The following DMD variants were observed in gnomAD, a reference collection of about 807,000 sequenced individuals.
The protein encoded by DMD is dystrophin.
Under a neutral mutation model 330.1 loss-of-function variants are expected in DMD, and 63 were observed. That is an observed-to-expected ratio of 0.19 (90% CI 0.16 to 0.24). The LOEUF (loss-of-function observed/expected upper bound fraction) is 0.24, where lower values mean the gene tolerates loss of function less well. Among genes scored for constraint, DMD ranks in the 10% least tolerant of loss-of-function variants. The pLI, the probability that DMD is intolerant of heterozygous loss-of-function variation, is 1.00. For missense variants in DMD, 3,344 were observed against 2,684.1 expected, an observed-to-expected ratio of 1.25 and a Z score of -5.43; for synonymous variants, 1,223 against 959.8, an observed-to-expected ratio of 1.27 and a Z score of -5.07.
chrX:31,206,719 T>C lies in DMD; in HGVS notation c.9564-52A>G, dbSNP rs1342918807. Reference sequence around the variant, plus strand: ...CAATTACTGACCCTTTCCTAGAGGGTAAACACTTCTAGTTAAGAATAAAGC... The same window carrying C: ...CAATTACTGACCCTTTCCTAGAGGGCAAACACTTCTAGTTAAGAATAAAGC... On this transcript the variant is annotated intron_variant, in intron 65 of 78. Coordinates refer to ENST00000357033, the MANE Select transcript of DMD (RefSeq NM_004006.3). 3.0e-6 allele frequency: 3 copies of C among 996,784 alleles called. No individual in the cohort carries two copies. In the Admixed American group the frequency reaches 6.9e-5, roughly 23 times the overall value. The allele number at this position is 996,784 out of a possible 1,213,427, so 82.1% of individuals were successfully genotyped here.
chrX:31,714,777 C>A, intron 52 of DMD, among the ~76,000 whole-genome samples: 1 of 111,776 alleles, frequency 8.9e-6, no homozygotes, highest in Non-Finnish European at 1.9e-5. Flanking sequence ...AAAATGTAAA[C>A]AAAATATTAT....
intron 52 of DMD, among the ~76,000 whole-genome samples, chrX:31,711,861 T>C (rs6628627): frequency 0.16 from 17,405 of 110,864 alleles, 1,221 homozygotes; most frequent in Admixed American, 0.31. Context: ...AGCTACTTTA[T>C]GTAACCTTTC....
intron 62 of DMD, among the ~76,000 whole-genome samples, chrX:31,289,189 G>A (rs1223868041): frequency 2.0e-5 from 2 of 99,470 alleles, no homozygotes; most frequent in African/African-American, 3.8e-5. Flanking sequence ...TGAGGCGGGA[G>A]AATCACTTGA....
intron 9 of DMD, among the ~76,000 whole-genome samples, chrX:32,675,632 T>C (rs1376761746): frequency 9.0e-6 from 1 of 111,471 alleles, no homozygotes; most frequent in Non-Finnish European, 1.9e-5. Context: ...AGCTCTATGT[T>C]GTGTCATTTT....
intron 74 of DMD, among the ~76,000 whole-genome samples, chrX:31,154,570 A>G (rs941508074): frequency 1.3e-4 from 14 of 111,020 alleles, no homozygotes; most frequent in Non-Finnish European, 2.5e-4. Context: ...CTGGGATTAC[A>G]GGTGTGAGCC....
intron 30 of DMD, among the ~76,000 whole-genome samples, chrX:32,408,963 A>T (rs1218218002): frequency 9.2e-6 from 1 of 109,051 alleles, no homozygotes; most frequent in East Asian, 2.9e-4. Flanking sequence ...CTCTATATTT[A>T]AAATGTCATT....
chrX:31,530,671 A>AT lies in DMD; in HGVS notation c.8218-23219dup, dbSNP rs1176859928. Reference sequence around the variant, plus strand: ...TCTTTTTTTTTTTTTTTTTTTTTTAATTTTTTTTTTTTTTTTATTATACTC... The same window carrying AT: ...TCTTTTTTTTTTTTTTTTTTTTTTAATTTTTTTTTTTTTTTTTATTATACTC... On this transcript the variant is annotated intron_variant, in intron 55 of 78. Transcript: ENST00000357033. Among the ~76,000 whole-genome samples the AT allele has an allele frequency of 8.9e-3, 500 of 55,976 alleles. 5 individuals carry two copies. Among genetic ancestry groups the AT allele is most frequent in the East Asian group, 0.016 (26 of 1,615 alleles). The allele number at this position is 55,976 out of a possible 115,157, so 48.6% of individuals were successfully genotyped here. A position where few individuals can be genotyped will look rare whatever the true frequency, so the allele number is the denominator to read the frequency against.
intron 30 of DMD, among the ~76,000 whole-genome samples, chrX:32,393,546 T>A (rs13441025): frequency 0.038 from 4,199 of 111,580 alleles, 165 homozygotes; most frequent in African/African-American, 0.13. Context: ...CGACTGTAAA[T>A]CAGCAGTATG....
Position 32,617,942 on chromosome X carries a change from C to A in DMD, c.1332-3489G>T, listed in dbSNP as rs2057705715. 2.7e-5 allele frequency among the ~76,000 whole-genome samples: 3 copies of A among 111,105 alleles called. No individual in the cohort carries two copies. In the South Asian group the frequency reaches 1.1e-3, roughly 42 times the overall value. On this transcript the variant is annotated intron_variant, in intron 11 of 78. Coordinates refer to ENST00000357033, the MANE Select transcript of DMD (RefSeq NM_004006.3). Reference sequence around the variant, plus strand: ...AAATAGACATTTATCATAAAAGGGACAAATGGATAACACAGATATGAAAAA... The same window carrying A: ...AAATAGACATTTATCATAAAAGGGAAAAATGGATAACACAGATATGAAAAA...
intron 29 of DMD, among the ~76,000 whole-genome samples, chrX:32,414,058 A>G (rs764599274): frequency 9.0e-6 from 1 of 111,511 alleles, no homozygotes; most frequent in South Asian, 3.8e-4. Context: ...AAGTCCCTTC[A>G]TAATATAAGT....
intron 44 of DMD, among the ~76,000 whole-genome samples, chrX:32,033,653 G>GAAAGAAAGAAAGAAGA (rs201179363): frequency 7.5e-4 from 44 of 59,060 alleles, no homozygotes; most frequent in African/African-American, 2.7e-3. Flanking sequence ...AAGAAAGAAA[G>GAAAGAAAGAAAGAAGA]AAGAAAGAAA....
At chrX:31,958,115 TTTTTTA>T (rs1230368413) in intron 45 of DMD, among the ~76,000 whole-genome samples, 2 of 102,902 alleles carry the variant, frequency 1.9e-5, no homozygotes, top group African/African-American at 7.1e-5. Context: ...TTTTTTTTTT[TTTTTTA>T]AAAATGGTAC....
chrX:32,236,364 C>T (rs1165515188), intron 43 of DMD, among the ~76,000 whole-genome samples: 1 of 112,271 alleles, frequency 8.9e-6, no homozygotes, highest in African/African-American at 3.2e-5. Flanking sequence ...GTTGTACCAA[C>T]TTAAATTTCT....
intron 2 of DMD, among the ~76,000 whole-genome samples, chrX:32,964,255 C>CAAAAAAAAAA (rs781702491): frequency 4.3e-4 from 15 of 35,186 alleles, no homozygotes; most frequent in African/African-American, 1.4e-3. Context: ...GACTCCATCT[C>CAAAAAAAAAA]AAAAAAAAAA....
At chrX:31,599,548 T>C (rs1261752871) in intron 55 of DMD, among the ~76,000 whole-genome samples, 1 of 112,471 alleles carries the variant, frequency 8.9e-6, no homozygotes, top group East Asian at 2.8e-4. Context: ...ATGGAGAGGA[T>C]ATGATTAGAA....
intron 44 of DMD, among the ~76,000 whole-genome samples, chrX:32,112,230 G>T (rs1376269203): frequency 2.7e-5 from 3 of 111,531 alleles, no homozygotes; most frequent in Non-Finnish European, 3.8e-5. Flanking sequence ...ACTTTAGTGT[G>T]CATCAAATTA....
intron 44 of DMD, among the ~76,000 whole-genome samples, chrX:31,990,562 C>T (rs1355258728): frequency 5.3e-5 from 6 of 112,161 alleles, no homozygotes; most frequent in African/African-American, 1.9e-4. Flanking sequence ...AGAAATAATA[C>T]GTACAACCAC....
chrX:32,397,065 T>C (rs767693237), intron 30 of DMD, among the ~76,000 whole-genome samples: 3 of 111,718 alleles, frequency 2.7e-5, no homozygotes, highest in Non-Finnish European at 5.7e-5. Flanking sequence ...TCATTTTCTT[T>C]TTTGACATTA....
At chrX:32,962,742 G>T (rs559832717) in intron 2 of DMD, among the ~76,000 whole-genome samples, 1 of 111,848 alleles carries the variant, frequency 8.9e-6, no homozygotes, top group South Asian at 3.7e-4. Context: ...TAATATATAG[G>T]ATTTAACTTC....
Sources: gnomAD v4.1 joint callset for allele counts (sites outside exome capture counted in the v4.1 genomes callset) on GRCh38, gnomAD v4.1.1 for gene constraint, MANE v1.5 for transcripts, NCBI Gene and HGNC (gene_info 2026-07-23, HGNC 2026-07-21) for gene names.